FGL1: variants seen among roughly 807,000 people sequenced by gnomAD.
FGL1 encodes the protein fibrinogen like 1, also known as fibrinogen-like protein 1.
FGL1 carries 59 observed loss-of-function variants against 43.7 expected under a neutral mutation model. The ratio of observed to expected loss-of-function variants is 1.35; its 90% CI spans 1.10 to 1.68. The LOEUF (loss-of-function observed/expected upper bound fraction) is 1.68. FGL1 is among the 40% of genes most tolerant of loss of function. The probability of loss-of-function intolerance (pLI) is 0.00; values close to 1 mark genes in which losing one functional copy is unlikely to be tolerated. For synonymous variants in FGL1, 192 were observed against 126.5 expected (o/e 1.52, Z -3.48); for missense variants, 596 against 373.0 (o/e 1.60, Z -4.92).
In FGL1 at chr8:17,882,086, G is replaced by A. The variant is rs578174442; in HGVS notation, c.157C>T (p.Gln53Ter). 2 of 1,614,056 alleles carry A rather than the reference G, an allele frequency of 1.2e-6. No individual in the cohort carries two copies. The highest frequency in any genetic ancestry group is 1.7e-6 in the Non-Finnish European group (2 of 1,180,008). Residue 53 changes from glutamine (Q) to a stop codon, truncating the protein, a stop_gained, in exon 3 of 8, where the codon CAG (glutamine) becomes TAG (stop). Coordinates refer to ENST00000427924, the MANE Select transcript of FGL1 (RefSeq NM_004467.4). LOFTEE classifies it high-confidence loss of function. ...TGGACTTCATTCTCCTGCAAAAGCT[G>A]CTTGATCTTGACCTGTTGCTGTTTG... is the stretch of plus-strand genomic sequence containing the variant. ...RVKQQQVKIK[Q>*]LLQENEVQFL...
chr8:17,874,113 T>C lies in FGL1; in HGVS notation c.408A>G (p.Gly136=), dbSNP rs150113828. Residue 136 remains glycine, a synonymous_variant, in exon 5 of 8, where the codon GGA becomes GGG. Transcript: ENST00000427924. ...RSDGSENFNR[G]WKDYENGFGN... ...CAAAGCCATTTTCATAGTCTTTCCA[T>C]CCTCTAAAAAAGGTAAAGTGGAAGC... is the stretch of plus-strand genomic sequence containing the variant. 4.7e-5 allele frequency: 75 copies of C among 1,610,714 alleles called. No homozygotes were observed. The African/African-American group carries it at 8.3e-4, about 18-fold the overall frequency.
At chr8:17,885,025 A>G (rs1438514286) in intron 2 of FGL1, among the ~76,000 whole-genome samples, 3 of 151,394 alleles carry the variant, frequency 2.0e-5, no homozygotes, top group Non-Finnish European at 4.4e-5. Flanking sequence ...AATACTTTTT[A>G]TTTAAAAAAA....
At chr8:17,885,114 C>T (rs2053608709) in intron 2 of FGL1, among the ~76,000 whole-genome samples, 1 of 151,060 alleles carries the variant, frequency 6.6e-6, no homozygotes, top group African/African-American at 2.4e-5. Flanking sequence ...GATCTCAGTT[C>T]ACTGCAATCT....
chr8:17,889,083 T>C (rs1456796951), intron 1 of FGL1, among the ~76,000 whole-genome samples: 2 of 152,166 alleles, frequency 1.3e-5, no homozygotes, highest in Non-Finnish European at 2.9e-5. Context: ...TATATAAAAA[T>C]GAGCTAGCCA....
chr8:17,889,875 C>G (rs1449320815), intron 1 of FGL1, among the ~76,000 whole-genome samples: 1 of 152,178 alleles, frequency 6.6e-6, no homozygotes, highest in African/African-American at 2.4e-5. Flanking sequence ...ACTTGAAAAT[C>G]ATTATAACCA....
At chr8:17,893,512 C>T (rs548150487) in intron 1 of FGL1, among the ~76,000 whole-genome samples, 2 of 150,714 alleles carry the variant, frequency 1.3e-5, no homozygotes, top group African/African-American at 4.9e-5. Flanking sequence ...ATTTTTTTGA[C>T]AGGCCTCTGT....
chr8:17,873,926 G>T, intron 5 of FGL1, 93 bp downstream of exon 5: 2 of 753,862 alleles, frequency 2.7e-6, no homozygotes, highest in Non-Finnish European at 2.0e-6. Flanking sequence ...AGCAATTATT[G>T]AATTAGTTCC....
At chr8:17,879,169 TTATTA>T (rs2053499007) in intron 3 of FGL1, among the ~76,000 whole-genome samples, 1 of 151,930 alleles carries the variant, frequency 6.6e-6, no homozygotes, top group Admixed American at 6.6e-5. Context: ...ATCTGTCTTA[TTATTA>T]TAACAGTATT....
chr8:17,884,083 C>G (rs941651407), intron 2 of FGL1, among the ~76,000 whole-genome samples: 3 of 115,744 alleles, frequency 2.6e-5, no homozygotes, highest in African/African-American at 1.3e-4. Flanking sequence ...CTTTCTCCTT[C>G]CCTCCCTCCC....
chr8:17,895,109 T>C (rs1158314334), intron 1 of FGL1: 1 of 209,436 alleles, frequency 4.8e-6, no homozygotes, highest in Admixed American at 6.4e-5. Context: ...TTTCAAAATG[T>C]AATTATACAT....
At chr8:17,872,367 A>G (rs977481695) in intron 5 of FGL1, among the ~76,000 whole-genome samples, 1 of 146,298 alleles carries the variant, frequency 6.8e-6, no homozygotes, top group African/African-American at 2.6e-5. Flanking sequence ...GATTGGCGCA[A>G]TCTTGGCTCA....
intron 3 of FGL1, among the ~76,000 whole-genome samples, chr8:17,875,657 T>A (rs559674404): frequency 2.6e-5 from 4 of 151,552 alleles, no homozygotes; most frequent in Non-Finnish European, 4.4e-5. Flanking sequence ...CAGGCTGGAG[T>A]GCAATGGTGC....
intron 1 of FGL1, among the ~76,000 whole-genome samples, chr8:17,886,053 A>G (rs544951413): frequency 7.2e-5 from 11 of 152,250 alleles, no homozygotes; most frequent in African/African-American, 2.4e-4. Context: ...TGCCTAGAGT[A>G]AGATTTTTGA....
intron 2 of FGL1, among the ~76,000 whole-genome samples, chr8:17,885,064 G>C (rs1055682294): frequency 4.0e-4 from 59 of 146,828 alleles, no homozygotes; most frequent in African/African-American, 1.4e-3. Context: ...TTTTTGAGAT[G>C]GAGTCTCACT....
At chr8:17,883,523 TATA>T (rs1243391121) in intron 2 of FGL1, among the ~76,000 whole-genome samples, 2 of 135,040 alleles carry the variant, frequency 1.5e-5, no homozygotes, top group Non-Finnish European at 3.1e-5. Flanking sequence ...TATAATGTAA[TATA>T]ATTGTATTTA....
chr8:17,866,331 G>A (rs1425278147), intron 7 of FGL1, among the ~76,000 whole-genome samples: 1 of 133,990 alleles, frequency 7.5e-6, no homozygotes. Context: ...TCAACTCGCA[G>A]TGATTGGTTT....
chr8:17,889,739 G>T (rs1416011391), intron 1 of FGL1, among the ~76,000 whole-genome samples: 1 of 152,150 alleles, frequency 6.6e-6, no homozygotes, highest in South Asian at 2.1e-4. Flanking sequence ...TTATTGCCTG[G>T]TTAATCCTTT....
chr8:17,864,745 G>A lies in FGL1; in HGVS notation c.786C>T (p.His262=), dbSNP rs1585123116. Residue 262 remains histidine (H), a synonymous_variant, in exon 8 of 8, where the codon CAC becomes CAT. Transcript: ENST00000427924. ...DQSGWWFNRC[H]SANLNGVYYS... Reference sequence around the variant, plus strand: ...AGTATACACCATTCAGGTTTGCAGAGTGACACCTAGTGGAAGGGAGAAAAA... The same window carrying A: ...AGTATACACCATTCAGGTTTGCAGAATGACACCTAGTGGAAGGGAGAAAAA... 1 of 1,479,868 alleles carries A rather than the reference G, an allele frequency of 6.8e-7. No homozygotes were observed. The allele number at this position is 1,479,868 out of a possible 1,614,324, so 91.7% of individuals were successfully genotyped here.
At chr8:17,884,352 A>T (rs1219153621) in intron 2 of FGL1, among the ~76,000 whole-genome samples, 1 of 151,792 alleles carries the variant, frequency 6.6e-6, no homozygotes, top group East Asian at 1.9e-4. Flanking sequence ...GTGCCATAAC[A>T]CCCAGCTAAT....
Sources: allele counts gnomAD v4.1 joint callset (sites outside exome capture counted in the v4.1 genomes callset), GRCh38; gene constraint gnomAD v4.1.1; transcripts MANE v1.5; gene names NCBI Gene and HGNC (gene_info 2026-07-23, HGNC 2026-07-21).